AFF4: variants seen among roughly 807,000 people sequenced by gnomAD.
The protein encoded by AFF4 is AF4/FMR2 family member 4.
In AFF4, 13 loss-of-function variants were observed where a neutral mutation model predicts 124.8. The ratio of observed to expected loss-of-function variants is 0.10; its 90% CI spans 0.07 to 0.17. AFF4 has a LOEUF of 0.17. AFF4 is among the 10% of genes least tolerant of loss of function. The pLI is 1.00. For missense variants in AFF4, 1,092 were observed against 1,403.8 expected, an observed-to-expected ratio of 0.78 and a Z score of 3.55; for synonymous variants, 477 against 496.1, an observed-to-expected ratio of 0.96 and a Z score of 0.51.
chr5:132,925,522 A>G (rs1474873885), intron 5 of AFF4, among the ~76,000 whole-genome samples: 2 of 152,196 alleles, frequency 1.3e-5, no homozygotes, highest in Non-Finnish European at 2.9e-5. Flanking sequence ...TTCAGCATGT[A>G]TAAGAAATTA....
chr5:132,941,511 A>G (rs1761568217), intron 1 of AFF4, among the ~76,000 whole-genome samples: 1 of 151,982 alleles, frequency 6.6e-6, no homozygotes, highest in Non-Finnish European at 1.5e-5. Flanking sequence ...CTTTTTTTGT[A>G]TTTTTGTAGG....
chr5:132,911,694 T>A (rs1463433832), intron 5 of AFF4, among the ~76,000 whole-genome samples: 1 of 150,354 alleles, frequency 6.7e-6, no homozygotes, highest in Non-Finnish European at 1.5e-5. Context: ...AATTGAGTAA[T>A]AGCAAGTTTC....
intron 8 of AFF4, 122 bp downstream of exon 8, chr5:132,899,463 TCA>T (rs1403063782): frequency 2.6e-5 from 24 of 907,856 alleles, no homozygotes; most frequent in Non-Finnish European, 3.6e-5. Context: ...CTACAACATT[TCA>T]GTGTCAGAAA....
Position 132,880,170 on chromosome 5 carries a change from G to A in AFF4, c.*889C>T, listed in dbSNP as rs749738940. 21 of 398,636 alleles carry A rather than the reference G, an allele frequency of 5.3e-5. No homozygotes were observed. Among genetic ancestry groups the A allele is most frequent in the Non-Finnish European group, 7.5e-5 (17 of 225,964 alleles). The allele number at this position is 398,636 out of a possible 1,614,324, so 24.7% of individuals were successfully genotyped here. A position where few individuals can be genotyped will look rare whatever the true frequency, so the allele number is the denominator to read the frequency against. On this transcript the variant is annotated 3_prime_UTR_variant, in exon 21 of 21. Transcript: ENST00000265343. ...TTTCCACAGTAACTTATTCTGTTTC[G>A]ATTAAGTGTCAAATGATTAGCAACA...
At chr5:132,950,242 G>A (rs1357019996) in intron 1 of AFF4, among the ~76,000 whole-genome samples, 2 of 152,130 alleles carry the variant, frequency 1.3e-5, no homozygotes, top group East Asian at 1.9e-4. Context: ...TTGGGAGGCC[G>A]AGGCAGACAG....
At chr5:132,940,591 A>G (rs1333206623) in intron 1 of AFF4, among the ~76,000 whole-genome samples, 2 of 152,228 alleles carry the variant, frequency 1.3e-5, no homozygotes, top group Admixed American at 6.5e-5. Context: ...AAGTATTTCT[A>G]TATCTCTTGT....
chr5:132,920,303 G>A (rs1761012747), intron 5 of AFF4, among the ~76,000 whole-genome samples: 1 of 151,404 alleles, frequency 6.6e-6, no homozygotes, highest in African/African-American at 2.4e-5. Flanking sequence ...GCCCACCTCA[G>A]CCTCCCAAAG....
rs768477691 is a variant in AFF4, at chr5:132,896,626, G to A, written c.2004C>T (p.Tyr668=). The part of the protein sequence containing the change: ...SLPPSSQTPK[Y]PESNRTPVKP... Reference sequence around the variant, plus strand: ...TAACAGGAGTCCTATTGCTCTCGGGGTACTTAGGAGTTTGTGAGGAAGGAG... The same window carrying A: ...TAACAGGAGTCCTATTGCTCTCGGGATACTTAGGAGTTTGTGAGGAAGGAG... Residue 668 remains tyrosine (Y), a synonymous_variant, in exon 11 of 21, where the codon TAC becomes TAT. Coordinates refer to ENST00000265343, the MANE Select transcript of AFF4 (RefSeq NM_014423.4). 5 of 1,614,032 alleles carry A rather than the reference G, an allele frequency of 3.1e-6. No homozygotes were observed. In the East Asian group the frequency reaches 1.1e-4, roughly 36 times the overall value.
chr5:132,893,008 G>A (rs766882647), intron 12 of AFF4, 22 bp downstream of exon 12: 112 of 1,606,852 alleles, frequency 7.0e-5, no homozygotes, highest in Non-Finnish European at 9.0e-5. Flanking sequence ...ACACTGGCAT[G>A]CAACATGTTT....
intron 5 of AFF4, among the ~76,000 whole-genome samples, chr5:132,915,885 T>C (rs1036257605): frequency 6.6e-6 from 1 of 151,892 alleles, no homozygotes; most frequent in Admixed American, 6.6e-5. Flanking sequence ...TCACTAACAC[T>C]AGATACTGAC....
intron 7 of AFF4, among the ~76,000 whole-genome samples, chr5:132,901,296 G>A (rs905611499): frequency 2.0e-5 from 3 of 152,122 alleles, no homozygotes; most frequent in African/African-American, 7.2e-5. Flanking sequence ...GTATATATAT[G>A]GTAAGACCAC....
chr5:132,897,695 G>GT (rs1224153471), intron 10 of AFF4, among the ~76,000 whole-genome samples: 2 of 140,430 alleles, frequency 1.4e-5, no homozygotes. Flanking sequence ...GGGTGACAGA[G>GT]TAAGACTCCA....
chr5:132,891,959 A>G (rs1760269551), intron 13 of AFF4: 4 of 750,926 alleles, frequency 5.3e-6, no homozygotes, highest in East Asian at 2.7e-5. Context: ...TTTTCTTTCA[A>G]TATGTATGTG....
chr5:132,903,242 C>A (rs1760593931), intron 6 of AFF4, among the ~76,000 whole-genome samples: 1 of 149,454 alleles, frequency 6.7e-6, no homozygotes, highest in Admixed American at 6.6e-5. Flanking sequence ...AATGTCAAAT[C>A]CCTTTTTCCT....
intron 19 of AFF4, 86 bp downstream of exon 19, chr5:132,884,990 G>C (rs897361798): frequency 1.2e-6 from 1 of 830,080 alleles, no homozygotes; most frequent in African/African-American, 1.8e-5. Context: ...TTAAAAAGTA[G>C]TCATCTTTCC....
chr5:132,882,501 T>C (rs541130078), intron 20 of AFF4, among the ~76,000 whole-genome samples: 9 of 152,294 alleles, frequency 5.9e-5, no homozygotes, highest in Admixed American at 2.6e-4. Context: ...CTCCATGTCC[T>C]TGGTTTGGGA....
intron 1 of AFF4, among the ~76,000 whole-genome samples, chr5:132,949,703 C>T (rs1460478017): frequency 4.7e-5 from 7 of 148,580 alleles, no homozygotes; most frequent in South Asian, 2.1e-4. Flanking sequence ...CACACACACG[C>T]GCGCGCGCGC....
In AFF4 at chr5:132,963,613, T is replaced by A. The variant is rs1203502713; in HGVS notation, c.-359A>T. The A allele has an allele frequency of 5.0e-6, 2 of 397,136 alleles. No individual in the cohort carries two copies. The highest frequency in any genetic ancestry group is 2.1e-5 in the African/African-American group (1 of 48,584). The allele number at this position is 397,136 out of a possible 1,614,324, so 24.6% of individuals were successfully genotyped here. ...GCGGCGGCGACGGCAGCTGGACTCC[T>A]GCAGCCAGGGCTGTGACTGACGCAG... On this transcript the variant is annotated 5_prime_UTR_variant, in exon 1 of 21. Transcript: ENST00000265343.
At chr5:132,907,766 A>C (rs1470259083) in intron 5 of AFF4, among the ~76,000 whole-genome samples, 1 of 146,040 alleles carries the variant, frequency 6.8e-6, no homozygotes, top group Non-Finnish European at 1.5e-5. Context: ...GGAGAGAGAA[A>C]ACATGTGTAA....
Sources: gnomAD v4.1 joint callset for allele counts (sites outside exome capture counted in the v4.1 genomes callset) on GRCh38, gnomAD v4.1.1 for gene constraint, MANE v1.5 for transcripts, NCBI Gene and HGNC (gene_info 2026-07-23, HGNC 2026-07-21) for gene names.